The following CAPZA1 variants were observed in gnomAD, a reference collection of about 807,000 sequenced individuals.
CAPZA1 encodes the protein F-actin-capping protein subunit alpha-1.
CAPZA1 carries 10 observed loss-of-function variants against 40.8 expected under a neutral mutation model. That is an observed-to-expected ratio of 0.25 (90% CI 0.15 to 0.42). The LOEUF is 0.42. CAPZA1 is among the 10% of genes least tolerant of loss of function. The pLI is 1.00. For missense variants in CAPZA1, 277 were observed against 353.8 expected, an observed-to-expected ratio of 0.78 and a Z score of 1.74; for synonymous variants, 98 against 115.0, an observed-to-expected ratio of 0.85 and a Z score of 0.95.
intron 1 of CAPZA1, among the ~76,000 whole-genome samples, chr1:112,641,305 T>G (rs1474657011): frequency 6.6e-6 from 1 of 152,090 alleles, no homozygotes; most frequent in African/African-American, 2.4e-5. Context: ...CTTATAACTT[T>G]TTGAACACAG....
rs567117430 is a variant in CAPZA1 at position 112,631,527 on chromosome 1, A to G, written c.39+11644A>G. On this transcript the variant is annotated intron_variant, in intron 1 of 9. Transcript: ENST00000263168. Reference sequence around the variant, plus strand: ...ATTTTGAGGAAAAAAAAAATTGGTAAAAAGATATACTTTAAGTTAGAATGC... The same window carrying G: ...ATTTTGAGGAAAAAAAAAATTGGTAGAAAGATATACTTTAAGTTAGAATGC... Among the ~76,000 whole-genome samples, 7 of 152,296 alleles carry G rather than the reference A, an allele frequency of 4.6e-5. No homozygotes were observed. In the South Asian group the frequency reaches 6.2e-4, roughly 14 times the overall value.
chr1:112,664,277 G>A (rs1391310097), intron 7 of CAPZA1, among the ~76,000 whole-genome samples: 1 of 151,576 alleles, frequency 6.6e-6, no homozygotes, highest in African/African-American at 2.4e-5. Context: ...TTTAAACAAG[G>A]ATAGGTAGGG....
At chr1:112,659,586 C>CTTTTTTTTTTTT in intron 6 of CAPZA1, 115 bp from the exon 7 acceptor site, 1 of 495,136 alleles carries the variant, frequency 2.0e-6, no homozygotes, top group Non-Finnish European at 3.4e-6. Context: ...CTCTCTCTCT[C>CTTTTTTTTTTTT]TTTTTTTTTT....
intron 1 of CAPZA1, among the ~76,000 whole-genome samples, chr1:112,635,172 C>T (rs948184337): frequency 6.6e-6 from 1 of 152,090 alleles, no homozygotes; most frequent in Non-Finnish European, 1.5e-5. Flanking sequence ...ACACTTTGAA[C>T]ACTTTTTACG....
chr1:112,625,253 A>G (rs957573200), intron 1 of CAPZA1, among the ~76,000 whole-genome samples: 9 of 152,156 alleles, frequency 5.9e-5, no homozygotes, highest in African/African-American at 1.9e-4. Context: ...GCATCTTCCT[A>G]ATAGATCCCA....
chr1:112,667,273 C>T, intron 8 of CAPZA1, 128 bp downstream of exon 8: 1 of 644,532 alleles, frequency 1.6e-6, no homozygotes, highest in Non-Finnish European at 2.7e-6. Context: ...ATTTTGGCCA[C>T]TTCTGTTAGT....
At chr1:112,620,142 C>T (rs1183302630) in intron 1 of CAPZA1, 3 of 393,568 alleles carry the variant, frequency 7.6e-6, no homozygotes, top group South Asian at 5.6e-5. Flanking sequence ...AGGGAACAGA[C>T]GTTTCCTTTA....
chr1:112,622,395 G>A (rs1044589931), intron 1 of CAPZA1, among the ~76,000 whole-genome samples: 4 of 152,188 alleles, frequency 2.6e-5, no homozygotes, highest in Non-Finnish European at 4.4e-5. Context: ...TCTTTTAGTT[G>A]TAGCTTTGAG....
chr1:112,620,565 T>G (rs931039995), intron 1 of CAPZA1: 1 of 152,258 alleles, frequency 6.6e-6, no homozygotes, highest in Non-Finnish European at 1.5e-5. Flanking sequence ...TTTGAAAATT[T>G]TGTTTCTTGT....
chr1:112,658,526 C>T (rs976716803), intron 5 of CAPZA1, among the ~76,000 whole-genome samples: 1 of 152,202 alleles, frequency 6.6e-6, no homozygotes, highest in Non-Finnish European at 1.5e-5. Flanking sequence ...TATTCTCCCA[C>T]AATATTAGTT....
At chr1:112,631,210 C>T (rs1372026140) in intron 1 of CAPZA1, among the ~76,000 whole-genome samples, 1 of 152,222 alleles carries the variant, frequency 6.6e-6, no homozygotes, top group African/African-American at 2.4e-5. Flanking sequence ...CACCTCAGTG[C>T]CTGAGACCAA....
intron 1 of CAPZA1, among the ~76,000 whole-genome samples, chr1:112,644,254 A>G (rs12566829): frequency 0.088 from 10,962 of 125,216 alleles, 969 homozygotes; most frequent in East Asian, 0.43. Context: ...GCAATGGTGC[A>G]ATCTTGGTTC....
At chr1:112,633,475 TTATC>T (rs754195503) in intron 1 of CAPZA1, among the ~76,000 whole-genome samples, 27 of 152,340 alleles carry the variant, frequency 1.8e-4, no homozygotes, top group East Asian at 5.8e-4. Flanking sequence ...CACATTTTCT[TTATC>T]CATTCATCTG....
chr1:112,623,432 A>G (rs560973903), intron 1 of CAPZA1, among the ~76,000 whole-genome samples: 9 of 152,172 alleles, frequency 5.9e-5, no homozygotes, highest in South Asian at 2.1e-4. Context: ...TGTGACCCCA[A>G]CACTCTGGGA....
intron 7 of CAPZA1, among the ~76,000 whole-genome samples, chr1:112,661,196 A>G (rs1384049853): frequency 6.6e-6 from 1 of 152,166 alleles, no homozygotes; most frequent in Non-Finnish European, 1.5e-5. Flanking sequence ...CTTTTTATAT[A>G]TACCTATAGC....
intron 8 of CAPZA1, among the ~76,000 whole-genome samples, chr1:112,668,037 G>A (rs1377293088): frequency 6.6e-6 from 1 of 152,086 alleles, no homozygotes; most frequent in African/African-American, 2.4e-5. Flanking sequence ...TGTAATCCCA[G>A]CACTTTGGGA....
At position 112,621,832 on chromosome 1, in the gene CAPZA1, G is replaced by T. The variant is rs138311803; in HGVS notation, c.39+1949G>T. ...GGTGGTGTGCAGTGGTGCGATCTCC[G>T]CTCGCTGCAACCTCTGCCTCTCTGG... On this transcript the variant is annotated intron_variant, in intron 1 of 9. Transcript: ENST00000263168. 4.5e-3 allele frequency among the ~76,000 whole-genome samples: 605 copies of T among 135,470 alleles called. 3 individuals carry two copies. Among genetic ancestry groups the T allele is most frequent in the African/African-American group, 0.016 (584 of 35,900 alleles). The allele number at this position is 135,470 out of a possible 152,430, so 88.9% of individuals were successfully genotyped here. A position where few individuals can be genotyped will look rare whatever the true frequency, so the allele number is the denominator to read the frequency against.
At chr1:112,668,810 A>T (rs1245337341) in intron 8 of CAPZA1, among the ~76,000 whole-genome samples, 1 of 152,232 alleles carries the variant, frequency 6.6e-6, no homozygotes, top group Non-Finnish European at 1.5e-5. Context: ...CCTGAAAGTG[A>T]TAAAGTCATC....
chr1:112,628,741 A>G (rs887472360), intron 1 of CAPZA1, among the ~76,000 whole-genome samples: 3 of 152,214 alleles, frequency 2.0e-5, no homozygotes, highest in South Asian at 2.1e-4. Flanking sequence ...AGCTTCTCCT[A>G]CAGTCTGCCC....
Sources: gnomAD v4.1 joint callset for allele counts (sites outside exome capture counted in the v4.1 genomes callset) on GRCh38, gnomAD v4.1.1 for gene constraint, MANE v1.5 for transcripts, NCBI Gene and HGNC (gene_info 2026-07-23, HGNC 2026-07-21) for gene names.